The following LMBR1 variants were observed in gnomAD, a reference collection of about 807,000 sequenced individuals.
LMBR1 encodes the protein limb development membrane protein 1.
In LMBR1, 52 loss-of-function variants were observed where a neutral mutation model predicts 73.9. The ratio of observed to expected loss-of-function variants is 0.70; its 90% CI spans 0.56 to 0.89. The LOEUF is 0.89. Among genes scored for constraint, LMBR1 ranks in the 40% least tolerant of loss-of-function variants. The pLI is 0.00. For synonymous variants in LMBR1, 215 were observed against 209.4 expected, an observed-to-expected ratio of 1.03 and a Z score of -0.23; for missense variants, 539 against 579.8, an observed-to-expected ratio of 0.93 and a Z score of 0.72.
chr7:156,853,986 A>C (rs1425614224), intron 1 of LMBR1, among the ~76,000 whole-genome samples: 1 of 151,320 alleles, frequency 6.6e-6, no homozygotes, highest in African/African-American at 2.4e-5. Context: ...AAAAAAAAAA[A>C]CCACCTATAT....
intron 10 of LMBR1, among the ~76,000 whole-genome samples, chr7:156,730,842 C>A (rs530194961): frequency 6.6e-6 from 1 of 151,500 alleles, no homozygotes; most frequent in South Asian, 2.1e-4. Context: ...GAGGCTGAGG[C>A]AAGAGAATCA....
At chr7:156,771,072 C>T (rs1210372779) in intron 5 of LMBR1, among the ~76,000 whole-genome samples, 2 of 151,162 alleles carry the variant, frequency 1.3e-5, no homozygotes, top group African/African-American at 2.4e-5. Flanking sequence ...AGCAAAAACA[C>T]ATTAGAAATA....
chr7:156,763,087 T>A lies in LMBR1; in HGVS notation c.619+21A>T. ...GGACAACTCTACTTTTCTCTTAATA[T>A]CAAGTCTGAAAAATACTTACAGAGA... On this transcript the variant is annotated intron_variant, in intron 7 of 16. Coordinates refer to ENST00000353442, the MANE Select transcript of LMBR1 (RefSeq NM_022458.4). 2.5e-6 allele frequency: 3 copies of A among 1,202,630 alleles called. No homozygotes were observed. In the South Asian group the frequency reaches 4.1e-5, roughly 17 times the overall value. The allele number at this position is 1,202,630 out of a possible 1,614,324, so 74.5% of individuals were successfully genotyped here.
At chr7:156,789,825 C>G (rs1828877770) in intron 5 of LMBR1, among the ~76,000 whole-genome samples, 1 of 152,042 alleles carries the variant, frequency 6.6e-6, no homozygotes, top group Non-Finnish European at 1.5e-5. Context: ...TTCTATTCCC[C>G]CCAAAAACTT....
Position 156,762,900 on chromosome 7 carries a change from A to G in LMBR1, c.619+208T>C, listed in dbSNP as rs3823613. ...GTCCGTCTGTCTCACTCTACAACCC[A>G]GTAGAAGAAGCTTTCCTTAGAGAAC... On this transcript the variant is annotated intron_variant, in intron 7 of 16. Transcript: ENST00000353442. Among the ~76,000 whole-genome samples the G allele has an allele frequency of 0.23, 34,444 of 151,674 alleles. 4,831 individuals carry two copies. The highest frequency in any genetic ancestry group is 0.4 in the African/African-American group (16,520 of 41,290).
intron 1 of LMBR1, among the ~76,000 whole-genome samples, chr7:156,851,962 A>G (rs1406732561): frequency 6.6e-6 from 1 of 152,204 alleles, no homozygotes; most frequent in Non-Finnish European, 1.5e-5. Flanking sequence ...CTGATTCAAT[A>G]CTGTTATTCC....
intron 1 of LMBR1, among the ~76,000 whole-genome samples, chr7:156,859,602 C>T (rs917964594): frequency 6.6e-6 from 1 of 151,696 alleles, no homozygotes; most frequent in African/African-American, 2.4e-5. Flanking sequence ...CATTAGCAGC[C>T]CCAAAAAAGA....
At chr7:156,715,101 G>A (rs1027794570) in intron 15 of LMBR1, among the ~76,000 whole-genome samples, 2 of 151,794 alleles carry the variant, frequency 1.3e-5, no homozygotes, top group Admixed American at 6.6e-5. Context: ...ACAGGCGCAC[G>A]CTACCACACT....
At chr7:156,684,634 ACAGATACGTTCCCACTTG>A (rs1805625586) in intron 16 of LMBR1, among the ~76,000 whole-genome samples, 1 of 152,194 alleles carries the variant, frequency 6.6e-6, no homozygotes, top group South Asian at 2.1e-4. Context: ...CTAACCCGAG[ACAGATACGTTCCCACTTG>A]CATTTTAAAA....
In LMBR1 at chr7:156,680,403, A is replaced by AGAGAGAGAGAGAGT. The variant is rs1343950098; in HGVS notation, c.*3674_*3675insACTCTCTCTCTCTC. Reference sequence around the variant, plus strand: ...GAGAGAGAGAGAGAGAGAGAGAGAGAGTGTGTGTGTGTGTGTGTGTGTAAT... The same window carrying AGAGAGAGAGAGAGT: ...GAGAGAGAGAGAGAGAGAGAGAGAGAGAGAGAGAGAGAGTGTGTGTGTGTGTGTGTGTGTGTAAT... On this transcript the variant is annotated 3_prime_UTR_variant, in exon 17 of 17. Transcript: ENST00000353442. 35 of 125,166 alleles carry AGAGAGAGAGAGAGT rather than the reference A, an allele frequency of 2.8e-4. No homozygotes were observed. Among genetic ancestry groups the AGAGAGAGAGAGAGT allele is most frequent in the African/African-American group, 1.0e-3 (34 of 32,666 alleles). 7.8% of individuals were successfully genotyped at this position (125,166 alleles called of 1,614,324 possible). A position where few individuals can be genotyped will look rare whatever the true frequency, so the allele number is the denominator to read the frequency against.
rs182641358 is a variant in LMBR1, at chr7:156,734,245, G to A, written c.770C>T (p.Ser257Leu). The A allele has an allele frequency of 9.0e-5, 145 of 1,608,386 alleles. 1 individual carries two copies. Among genetic ancestry groups the A allele is most frequent in the South Asian group, 5.7e-4 (51 of 89,772 alleles). Residue 257 changes from serine to leucine, a missense_variant, in exon 10 of 17, where the codon TCG (serine) becomes TTG (leucine). Coordinates refer to ENST00000353442, the MANE Select transcript of LMBR1 (RefSeq NM_022458.4). The stretch of plus-strand genomic sequence containing the variant: ...CAACTCCATTATGTTGTATTCCACC[G>A]ATGAAGACAGCCCTGTTCAAAGCAA... ...LQRRLNGLSS[S>L]VEYNIMELEQ...
intron 1 of LMBR1, among the ~76,000 whole-genome samples, chr7:156,860,896 T>C (rs759835143): frequency 2.6e-5 from 4 of 152,240 alleles, no homozygotes; most frequent in Non-Finnish European, 5.9e-5. Context: ...CTTGGGCAGC[T>C]CCGCCCCTGT....
At chr7:156,804,425 C>A (rs1332254776) in intron 4 of LMBR1, among the ~76,000 whole-genome samples, 2 of 152,196 alleles carry the variant, frequency 1.3e-5, no homozygotes, top group African/African-American at 4.8e-5. Flanking sequence ...ATGGTAGATA[C>A]CTGTTTAACA....
At chr7:156,888,277 G>A (rs1432037487) in intron 1 of LMBR1, among the ~76,000 whole-genome samples, 2 of 151,972 alleles carry the variant, frequency 1.3e-5, no homozygotes, top group African/African-American at 2.4e-5. Flanking sequence ...GGGCGTGGTG[G>A]CGGGTGCCTG....
At chr7:156,696,568 C>A (rs1486593377) in intron 15 of LMBR1, among the ~76,000 whole-genome samples, 1 of 152,168 alleles carries the variant, frequency 6.6e-6, no homozygotes, top group Non-Finnish European at 1.5e-5. Flanking sequence ...AAAGGCACTT[C>A]TCACATAGCG....
chr7:156,798,964 C>G (rs1036051052), intron 4 of LMBR1, among the ~76,000 whole-genome samples: 10 of 151,206 alleles, frequency 6.6e-5, no homozygotes, highest in African/African-American at 2.2e-4. Context: ...GAGGCCGAGG[C>G]AGGCAGATTA....
At chr7:156,708,639 A>G (rs1563181695) in intron 15 of LMBR1, among the ~76,000 whole-genome samples, 1 of 152,152 alleles carries the variant, frequency 6.6e-6, no homozygotes. Context: ...AATTTTCTTG[A>G]GCAGAATTTC....
intron 4 of LMBR1, among the ~76,000 whole-genome samples, chr7:156,797,772 T>C (rs377537961): frequency 6.6e-6 from 1 of 152,216 alleles, no homozygotes; most frequent in South Asian, 2.1e-4. Flanking sequence ...CAAGGTAATA[T>C]AATAAAATCA....
At chr7:156,870,401 C>A (rs1200868123) in intron 1 of LMBR1, among the ~76,000 whole-genome samples, 4 of 152,070 alleles carry the variant, frequency 2.6e-5, no homozygotes, top group African/African-American at 7.2e-5. Context: ...GAAAAATTTA[C>A]AAATACATGA....
Sources: allele counts gnomAD v4.1 joint callset (sites outside exome capture counted in the v4.1 genomes callset), GRCh38; gene constraint gnomAD v4.1.1; transcripts MANE v1.5; gene names NCBI Gene and HGNC (gene_info 2026-07-23, HGNC 2026-07-21).